The following MED1 variants were observed in gnomAD, a reference collection of about 807,000 sequenced individuals.
MED1 encodes mediator of RNA polymerase II transcription subunit 1.
In MED1, 17 loss-of-function variants were observed where a neutral mutation model predicts 121.3. The ratio of observed to expected loss-of-function variants is 0.14; its 90% CI spans 0.10 to 0.21. The LOEUF is 0.21. Among genes scored for constraint, MED1 ranks in the 10% least tolerant of loss-of-function variants. The pLI is 1.00. For missense variants in MED1, 1,558 were observed against 1,919.4 expected (o/e 0.81, Z 3.52); for synonymous variants, 661 against 694.4 (o/e 0.95, Z 0.76).
chr17:39,410,851 T>G lies in MED1; in HGVS notation c.1500-130A>C, dbSNP rs1597852149. 1.4e-5 allele frequency: 19 copies of G among 1,329,210 alleles called. No homozygotes were observed. In the East Asian group the frequency reaches 4.5e-4, roughly 32 times the overall value. The allele number at this position is 1,329,210 out of a possible 1,614,324, so 82.3% of individuals were successfully genotyped here. A position where few individuals can be genotyped will look rare whatever the true frequency, so the allele number is the denominator to read the frequency against. ...GGGCAAATAATCTGTAAGACAAAAATAGTTCTATCAAATACCAGAGCTTTG... is the reference window on the plus strand; with the variant it reads ...GGGCAAATAATCTGTAAGACAAAAAGAGTTCTATCAAATACCAGAGCTTTG... On this transcript the variant is annotated intron_variant, in intron 16 of 16. Transcript: ENST00000300651.
At chr17:39,433,054 C>T (rs965422635) in intron 7 of MED1, among the ~76,000 whole-genome samples, 16 of 151,932 alleles carry the variant, frequency 1.1e-4, no homozygotes, top group African/African-American at 3.9e-4. Context: ...AAATGCAAAA[C>T]TTAGCCAGGT....
chr17:39,444,933 T>TGAA (rs1197397388), intron 2 of MED1, among the ~76,000 whole-genome samples: 1 of 151,946 alleles, frequency 6.6e-6, no homozygotes, highest in East Asian at 1.9e-4. Context: ...CCCTATCCAG[T>TGAA]GAAGAAGTTT....
chr17:39,414,902 T>G, intron 16 of MED1, 124 bp downstream of exon 16: 1 of 781,328 alleles, frequency 1.3e-6, no homozygotes, highest in Non-Finnish European at 2.2e-6. Flanking sequence ...TCTTCTGACC[T>G]CGTGATCCGC....
Position 39,406,696 on chromosome 17 carries a change from A to C in MED1, c.*779T>G. The C allele has an allele frequency of 1.0e-6, 1 of 985,020 alleles. No homozygotes were observed. Among genetic ancestry groups the C allele is most frequent in the Non-Finnish European group, 1.2e-6 (1 of 829,772 alleles). The allele number at this position is 985,020 out of a possible 1,614,324, so 61.0% of individuals were successfully genotyped here. A position where few individuals can be genotyped will look rare whatever the true frequency, so the allele number is the denominator to read the frequency against. The stretch of plus-strand genomic sequence containing the variant: ...AAAATATCATTTTGGTTTTTCTATT[A>C]TATTTAACTCTAAAGGCGGGCTCTG... On this transcript the variant is annotated 3_prime_UTR_variant, in exon 17 of 17. Transcript: ENST00000300651.
At chr17:39,414,338 ATT>A (rs751757759) in intron 16 of MED1, among the ~76,000 whole-genome samples, 4 of 142,316 alleles carry the variant, frequency 2.8e-5, no homozygotes, top group African/African-American at 5.1e-5. Context: ...TGAAAACAAC[ATT>A]TTTTTTTTTT....
Position 39,408,031 on chromosome 17 carries a change from T to C in MED1, c.4190A>G (p.His1397Arg), listed in dbSNP as rs1295923965. 6.2e-7 allele frequency: 1 copy of C among 1,614,104 alleles called. No homozygotes were observed. Among genetic ancestry groups the C allele is most frequent in the Non-Finnish European group, 8.5e-7 (1 of 1,180,046 alleles). The stretch of plus-strand genomic sequence containing the variant: ...TTTAATGCTAGGGGAGCCTCCATCA[T>C]GCTTACTGATGATAATTTTTGCCAC... ...TGVAKIIISK[H>R]DGGSPSIKAK... Residue 1397 changes from histidine to arginine, a missense_variant, in exon 17 of 17, where the codon CAT (histidine) becomes CGT (arginine). Transcript: ENST00000300651. This position sits in a 1 kb window ranked among gnomAD's most constrained non-coding sequence, Gnocchi z 4.7.
rs2048345026 is a variant in MED1, at chr17:39,410,350, G to C, written c.1871C>G (p.Pro624Arg). ...GGSTIGSSPT[P>R]PHHTPPPVSS... The stretch of plus-strand genomic sequence containing the variant: ...GACAGGTGGCGGCGTGTGATGAGGA[G>C]GGGTCGGACTCGAGCCAATGGTAGA... Residue 624 changes from proline to arginine, a missense_variant, in exon 17 of 17, where the codon CCT becomes CGT. By Grantham distance (103) the Pro-to-Arg change is moderately radical. This residue lies in a region of MED1 where 793 missense variants were observed against 898.2 expected (regional missense o/e 0.88). Coordinates refer to ENST00000300651, the MANE Select transcript of MED1 (RefSeq NM_004774.4). 6.2e-7 allele frequency: 1 copy of C among 1,613,994 alleles called. No individual in the cohort carries two copies. The highest frequency in any genetic ancestry group is 8.5e-7 in the Non-Finnish European group (1 of 1,179,990).
chr17:39,443,420 G>T, intron 3 of MED1, 130 bp downstream of exon 3: 1 of 665,260 alleles, frequency 1.5e-6, no homozygotes, highest in Non-Finnish European at 2.6e-6. Context: ...CTCCATAAAT[G>T]AATGCAAGAG....
intron 6 of MED1, among the ~76,000 whole-genome samples, chr17:39,436,768 T>A (rs540434708): frequency 8.6e-4 from 131 of 152,178 alleles, no homozygotes; most frequent in African/African-American, 2.9e-3. Flanking sequence ...CCACACATAA[T>A]TCTTTATTAT....
At chr17:39,438,959 C>T (rs1055614117) in intron 6 of MED1, among the ~76,000 whole-genome samples, 4 of 152,002 alleles carry the variant, frequency 2.6e-5, no homozygotes, top group Admixed American at 1.3e-4. Flanking sequence ...AAAACAAAAA[C>T]GAAAACAAAA....
At chr17:39,420,460 C>T (rs572156132) in intron 13 of MED1, among the ~76,000 whole-genome samples, 56 of 152,050 alleles carry the variant, frequency 3.7e-4, no homozygotes, top group African/African-American at 9.4e-4. Context: ...CTGGGCCTCC[C>T]AAAGTGCTGG....
intron 2 of MED1, among the ~76,000 whole-genome samples, chr17:39,446,499 T>C (rs1311998722): frequency 7.1e-6 from 1 of 140,280 alleles, no homozygotes; most frequent in Admixed American, 7.4e-5. Context: ...AAAAACTAGC[T>C]GGGCAGCCGG....
At chr17:39,443,445 T>C in intron 3 of MED1, 105 bp downstream of exon 3, 1 of 884,928 alleles carries the variant, frequency 1.1e-6, no homozygotes, top group Non-Finnish European at 1.8e-6. Context: ...ATCTAATACA[T>C]AAAGTTGACC....
At chr17:39,445,826 C>T (rs1445644309) in intron 2 of MED1, among the ~76,000 whole-genome samples, 1 of 151,520 alleles carries the variant, frequency 6.6e-6, no homozygotes, top group African/African-American at 2.4e-5. Flanking sequence ...GTCAGGAGTT[C>T]AAGACCAGCC....
chr17:39,409,167 C>T lies in MED1; in HGVS notation c.3054G>A (p.Glu1018=), dbSNP rs548353051. 45 of 1,614,072 alleles carry T rather than the reference C, an allele frequency of 2.8e-5. No individual in the cohort carries two copies. The highest frequency in any genetic ancestry group is 3.7e-5 in the Non-Finnish European group (44 of 1,180,054). ...KPPKRKKADT[E]GKSPSHSSSN... The stretch of plus-strand genomic sequence containing the variant: ...AAGAACTATGAGATGGAGACTTTCC[C>T]TCAGTGTCTGCCTTCTTCCGCTTTG... The change falls in exon 17 of 17, where the codon GAG becomes GAA. Residue 1018 remains glutamate (E), a synonymous_variant. Transcript: ENST00000300651.
At chr17:39,438,605 C>G (rs760764337) in intron 6 of MED1, among the ~76,000 whole-genome samples, 6 of 152,120 alleles carry the variant, frequency 3.9e-5, no homozygotes, top group Non-Finnish European at 7.4e-5. Flanking sequence ...CCCGCCTCAG[C>G]CTCCCAAAGT....
At chr17:39,448,940 A>C (rs2048755633) in intron 1 of MED1, among the ~76,000 whole-genome samples, 1 of 152,152 alleles carries the variant, frequency 6.6e-6, no homozygotes, top group African/African-American at 2.4e-5. Flanking sequence ...GAAAATGCTA[A>C]AAAGACAGCA....
chr17:39,431,057 TA>T (rs1165616056), intron 9 of MED1, 57 bp downstream of exon 9: 3 of 1,417,576 alleles, frequency 2.1e-6, no homozygotes, highest in Non-Finnish European at 3.0e-6. Flanking sequence ...AAATGAAAAG[TA>T]ATGACCCTCA....
chr17:39,413,062 G>C (rs556249296), intron 16 of MED1, among the ~76,000 whole-genome samples: 4 of 151,902 alleles, frequency 2.6e-5, no homozygotes. Flanking sequence ...TAACTATCAC[G>C]TAACAATTAA....
Sources: gnomAD v4.1 joint callset for allele counts (sites outside exome capture counted in the v4.1 genomes callset) on GRCh38, gnomAD v4.1.1 for gene constraint, gnomAD v4.1.1 regional missense constraint, Gnocchi (gnomAD v3.1) non-coding constraint, MANE v1.5 for transcripts, NCBI Gene and HGNC (gene_info 2026-07-23, HGNC 2026-07-21) for gene names.